SYNGR1: variants seen among roughly 807,000 people sequenced by gnomAD.
SYNGR1 encodes synaptogyrin-1.
A neutral mutation model predicts 26.1 loss-of-function variants in SYNGR1; 14 were observed. The ratio of observed to expected loss-of-function variants is 0.54; its 90% CI spans 0.35 to 0.84. The LOEUF (loss-of-function observed/expected upper bound fraction) is 0.84. Ranked by LOEUF, SYNGR1 falls within the 40% of genes least tolerant of loss-of-function variation. The pLI is 0.01. For synonymous variants in SYNGR1, 141 were observed against 150.1 expected (o/e 0.94, Z 0.44); for missense variants, 319 against 332.9 (o/e 0.96, Z 0.33).
chr22:39,374,202 G>A (rs1925158509), intron 1 of SYNGR1, 114 bp from the exon 2 acceptor site: 1 of 941,830 alleles, frequency 1.1e-6, no homozygotes, highest in Non-Finnish European at 1.7e-6. Flanking sequence ...CTTAACCCGG[G>A]TCTTGTAGCT....
At chr22:39,373,923 G>A (rs1272123188) in intron 1 of SYNGR1, among the ~76,000 whole-genome samples, 1 of 152,252 alleles carries the variant, frequency 6.6e-6, no homozygotes, top group Admixed American at 6.5e-5. Flanking sequence ...GGAGGAGTCA[G>A]CCTGGGGGTG....
chr22:39,374,351 C>T lies in SYNGR1; in HGVS notation c.135C>T (p.Asn45=), dbSNP rs138025708. ...FSIVVFGSIV[N]EGYLNSASEG... ...TAGTGGTGTTCGGCTCCATCGTGAACGAGGGCTACCTCAACAGCGCCTCCG... is the reference window on the plus strand; with the variant it reads ...TAGTGGTGTTCGGCTCCATCGTGAATGAGGGCTACCTCAACAGCGCCTCCG... Residue 45 remains asparagine, a synonymous_variant, in exon 2 of 4, where the codon AAC becomes AAT. Coordinates refer to ENST00000328933, the MANE Select transcript of SYNGR1 (RefSeq NM_004711.5). 38 of 1,613,896 alleles carry T rather than the reference C, an allele frequency of 2.4e-5. No homozygotes were observed. The highest frequency in any genetic ancestry group is 2.0e-4 in the Admixed American group (12 of 60,006).
intron 1 of SYNGR1, among the ~76,000 whole-genome samples, chr22:39,362,614 C>CA (rs1379631321): frequency 3.9e-5 from 6 of 152,184 alleles, no homozygotes; most frequent in African/African-American, 1.4e-4. Context: ...ACTCATTTCT[C>CA]AAAGTGTGAC....
intron 1 of SYNGR1, among the ~76,000 whole-genome samples, chr22:39,351,067 C>G (rs1462427036): frequency 6.6e-6 from 1 of 152,170 alleles, no homozygotes; most frequent in Non-Finnish European, 1.5e-5. Flanking sequence ...TTGAGTGGCA[C>G]CTCATGGAAA....
chr22:39,350,139 A>C lies in SYNGR1; in HGVS notation c.99+30A>C. On this transcript the variant is annotated intron_variant, in intron 1 of 3. Transcript: ENST00000328933. The surrounding 1 kb of genome is among the most constrained non-coding windows in gnomAD (Gnocchi z 4.3). ...GGACGGACTGGCCGACGGCTCTGCC[A>C]GGCCGGGGTGGTGGGGGTGTGAGCA... 7.3e-7 allele frequency: 1 copy of C among 1,375,112 alleles called. No homozygotes were observed. Among genetic ancestry groups the C allele is most frequent in the Non-Finnish European group, 9.6e-7 (1 of 1,043,198 alleles). 85.2% of individuals were successfully genotyped at this position (1,375,112 alleles called of 1,614,324 possible). A position where few individuals can be genotyped will look rare whatever the true frequency, so the allele number is the denominator to read the frequency against.
chr22:39,375,004 G>A, intron 2 of SYNGR1: 1 of 246,030 alleles, frequency 4.1e-6, no homozygotes, highest in Non-Finnish European at 8.1e-6. Flanking sequence ...ACCAGGGCCT[G>A]GACCTGTGGA....
At chr22:39,375,677 G>C in intron 2 of SYNGR1, 2 of 573,314 alleles carry the variant, frequency 3.5e-6, no homozygotes, top group East Asian at 2.9e-5. Flanking sequence ...GGGGGCCCAC[G>C]TCAGCGGTGT....
At chr22:39,360,809 G>T (rs1569176535) in intron 1 of SYNGR1, among the ~76,000 whole-genome samples, 1 of 152,236 alleles carries the variant, frequency 6.6e-6, no homozygotes, top group Non-Finnish European at 1.5e-5. Flanking sequence ...CAGCCAGGCA[G>T]AGAAGGGGGA....
intron 1 of SYNGR1, among the ~76,000 whole-genome samples, chr22:39,357,174 G>A (rs997182735): frequency 6.6e-6 from 1 of 152,022 alleles, no homozygotes; most frequent in Non-Finnish European, 1.5e-5. Flanking sequence ...GCTGAGGCAC[G>A]AGAATCGCCT....
chr22:39,381,617 C>G, intron 3 of SYNGR1, 79 bp from the exon 4 acceptor site: 1 of 1,470,100 alleles, frequency 6.8e-7, no homozygotes, highest in African/African-American at 1.4e-5. Context: ...CTAACCACCA[C>G]TAACCCAGTG....
intron 2 of SYNGR1, 176 bp downstream of exon 2, chr22:39,374,729 G>A: frequency 1.4e-6 from 1 of 693,484 alleles, no homozygotes; most frequent in Non-Finnish European, 2.5e-6. Context: ...ACCAGGACAG[G>A]GCCTGGGACC....
chr22:39,363,978 T>C (rs1394215240), intron 1 of SYNGR1, among the ~76,000 whole-genome samples: 1 of 152,164 alleles, frequency 6.6e-6, no homozygotes, highest in Non-Finnish European at 1.5e-5. Flanking sequence ...TCTAGGAGGT[T>C]CCTGGCAGCG....
rs750479477 is a variant in SYNGR1 at position 39,377,673 on chromosome 22, G to C, written c.483+1476G>C. 18 of 1,613,826 alleles carry C rather than the reference G, an allele frequency of 1.1e-5. 1 individual carries two copies. The South Asian group carries it at 1.6e-4, about 15-fold the overall frequency. On this transcript the variant is annotated intron_variant, in intron 3 of 3. Coordinates refer to ENST00000328933, the MANE Select transcript of SYNGR1 (RefSeq NM_004711.5). ...GGAGGAGTACAGCACACTGTTCCCTGCCTCGGCACAGCCGTAGGCCTCCCC... is the reference window on the plus strand; with the variant it reads ...GGAGGAGTACAGCACACTGTTCCCTCCCTCGGCACAGCCGTAGGCCTCCCC...
At chr22:39,354,305 A>T (rs1359536829) in intron 1 of SYNGR1, among the ~76,000 whole-genome samples, 1 of 152,208 alleles carries the variant, frequency 6.6e-6, no homozygotes, top group East Asian at 1.9e-4. Flanking sequence ...CCCCCGTTTT[A>T]CAAATGACAG....
At chr22:39,374,976 C>G in intron 2 of SYNGR1, 1 of 276,686 alleles carries the variant, frequency 3.6e-6, no homozygotes, top group Admixed American at 4.9e-5. Flanking sequence ...CCACGCCTCC[C>G]AGCCAGACCT....
At chr22:39,377,539 C>G (rs1569183133) in intron 3 of SYNGR1, 1 of 1,592,350 alleles carries the variant, frequency 6.3e-7, no homozygotes, top group Non-Finnish European at 8.5e-7. Flanking sequence ...AAGCCAGCCT[C>G]CCTCCTGGCA....
chr22:39,378,447 G>C, intron 3 of SYNGR1: 2 of 984,858 alleles, frequency 2.0e-6, no homozygotes, highest in Non-Finnish European at 2.4e-6. Flanking sequence ...TACTTTAAGA[G>C]TAATTCTCAT....
rs529657445 is a variant in SYNGR1, at chr22:39,373,777, C to T, written c.100-539C>T. Among the ~76,000 whole-genome samples the T allele has an allele frequency of 1.1e-4, 16 of 152,354 alleles. No homozygotes were observed. The East Asian group carries it at 2.9e-3, about 28-fold the overall frequency. On this transcript the variant is annotated intron_variant, in intron 1 of 3. Coordinates refer to ENST00000328933, the MANE Select transcript of SYNGR1 (RefSeq NM_004711.5). ...GGATTACAGGCATGAGCCACCACCC[C>T]CAGCCCACTGTTATTTTTTCATTCA...
chr22:39,382,365 T>C lies in SYNGR1; in HGVS notation c.*451T>C. 3.9e-6 allele frequency: 1 copy of C among 256,308 alleles called. No homozygotes were observed. Among genetic ancestry groups the C allele is most frequent in the South Asian group, 4.9e-5 (1 of 20,388 alleles). The allele number at this position is 256,308 out of a possible 1,614,324, so 15.9% of individuals were successfully genotyped here. On this transcript the variant is annotated 3_prime_UTR_variant, in exon 4 of 4. Transcript: ENST00000328933. ...GTGTGGCTACACCGTGGCTTGGTCA[T>C]AGGGTGAGTGTAAACACCCACAGGA...
Sources: gnomAD v4.1 joint callset for allele counts (sites outside exome capture counted in the v4.1 genomes callset) on GRCh38, gnomAD v4.1.1 for gene constraint, Gnocchi (gnomAD v3.1) non-coding constraint, MANE v1.5 for transcripts, NCBI Gene and HGNC (gene_info 2026-07-23, HGNC 2026-07-21) for gene names.